Variants in NELFA observed in about 807,000 individuals in gnomAD.
The protein encoded by NELFA is negative elongation factor A.
NELFA carries 35 observed loss-of-function variants against 51.8 expected under a neutral mutation model. The ratio of observed to expected loss-of-function variants is 0.68; its 90% CI spans 0.52 to 0.90. The LOEUF is 0.90. NELFA is among the 40% of genes least tolerant of loss of function. The probability of loss-of-function intolerance (pLI) is 0.00; values close to 1 mark genes in which losing one functional copy is unlikely to be tolerated. For synonymous variants in NELFA, 417 were observed against 338.4 expected (o/e 1.23, Z -2.55); for missense variants, 658 against 746.4 (o/e 0.88, Z 1.38).
chr4:1,984,467 G>A (rs917086123), intron 8 of NELFA, among the ~76,000 whole-genome samples: 41 of 152,142 alleles, frequency 2.7e-4, no homozygotes, highest in African/African-American at 8.0e-4. Flanking sequence ...AGTGCCCTCC[G>A]TCTGGGAGGG....
In NELFA at chr4:1,983,412, T is replaced by C; in HGVS notation, c.1494A>G (p.Thr498=). The change falls in exon 11 of 11, where the codon ACA becomes ACG. Residue 498 remains threonine (T), a synonymous_variant. Coordinates refer to ENST00000382882, the MANE Select transcript of NELFA (RefSeq NM_005663.5). ...CAAACACTGTGTCCACCAGCATGGT[T>C]GTGCTACCCTGGCCGTCCGCCTTGG... ...DLPKADGQGS[T]TMLVDTVFEM... The C allele has an allele frequency of 6.2e-7, 1 of 1,614,218 alleles. No homozygotes were observed. The highest frequency in any genetic ancestry group is 1.6e-4 in the Middle Eastern group (1 of 6,062).
rs764871539 is a variant in NELFA at position 1,986,416 on chromosome 4, ACAGT to A, written c.635-18_635-15del. The A allele has an allele frequency of 4.3e-6, 7 of 1,612,718 alleles. No individual in the cohort carries two copies. The highest frequency in any genetic ancestry group is 5.9e-6 in the Non-Finnish European group (7 of 1,179,662). On this transcript the variant is annotated splice_polypyrimidine_tract_variant and intron_variant, in intron 4 of 10. Coordinates refer to ENST00000382882, the MANE Select transcript of NELFA (RefSeq NM_005663.5). ...CTTTGAGTGGGGCTGGAGGACGGCAACAGTCAGGGCGCCAGCAGCAGTGACCGGC... is the reference window on the plus strand; with the variant it reads ...CTTTGAGTGGGGCTGGAGGACGGCAACAGGGCGCCAGCAGCAGTGACCGGC...
At chr4:1,991,520 A>T (rs752812898) in intron 2 of NELFA, 24 bp downstream of exon 2, 9 of 1,609,200 alleles carry the variant, frequency 5.6e-6, no homozygotes, top group Non-Finnish European at 7.6e-6. Flanking sequence ...TCCACCCAAC[A>T]TGAATTAAAG....
chr4:2,001,655 C>T (rs1253864981), intron 1 of NELFA, among the ~76,000 whole-genome samples: 1 of 152,230 alleles, frequency 6.6e-6, no homozygotes, highest in Non-Finnish European at 1.5e-5. Flanking sequence ...GTAATCCCAG[C>T]ACTTTGGGAG....
rs1454518597 is a variant in NELFA at position 1,994,812 on chromosome 4, G to A, written c.211-3097C>T. Among the ~76,000 whole-genome samples the A allele has an allele frequency of 1.3e-4, 20 of 149,994 alleles. No homozygotes were observed. The South Asian group carries it at 1.7e-3, about 13-fold the overall frequency. On this transcript the variant is annotated intron_variant, in intron 1 of 10. Coordinates refer to ENST00000382882, the MANE Select transcript of NELFA (RefSeq NM_005663.5). Reference sequence around the variant, plus strand: ...GGAGCTTGCAGTGAGCCGAGATTGCGTGCCCCAGCCTGGGCAACAGAGTGA... The same window carrying A: ...GGAGCTTGCAGTGAGCCGAGATTGCATGCCCCAGCCTGGGCAACAGAGTGA...
chr4:2,004,514 G>T (rs968008610), intron 1 of NELFA, among the ~76,000 whole-genome samples: 10 of 151,910 alleles, frequency 6.6e-5, no homozygotes, highest in African/African-American at 2.2e-4. Flanking sequence ...TTGAGACAGG[G>T]TCTCATTCTG....
intron 1 of NELFA, chr4:2,008,072 C>G: frequency 4.4e-6 from 2 of 456,560 alleles, no homozygotes; most frequent in South Asian, 3.1e-5. Context: ...ACAAGAAAAT[C>G]CAGTCAGCGG....
Position 2,008,924 on chromosome 4 carries a change from C to T in NELFA, c.36G>A (p.Trp12Ter). ...CCGTGGCCCCCAGCTTGTTGTGCAG[C>T]CACAGGCCCGTGTCGCTCTCCCGCA... is the stretch of plus-strand genomic sequence containing the variant. ...ASMRESDTGL[W>*]LHNKLGATDE... The change falls in exon 1 of 11, where the codon TGG (tryptophan) becomes TGA (stop). Residue 12 changes from tryptophan to a stop codon, truncating the protein, a stop_gained. Coordinates refer to ENST00000382882, the MANE Select transcript of NELFA (RefSeq NM_005663.5). LOFTEE classifies it high-confidence loss of function. The T allele has an allele frequency of 6.4e-7, 1 of 1,574,184 alleles. No individual in the cohort carries two copies. Among genetic ancestry groups the T allele is most frequent in the Non-Finnish European group, 8.6e-7 (1 of 1,160,208 alleles).
intron 1 of NELFA, chr4:2,008,122 C>G (rs1728760036): frequency 2.3e-6 from 1 of 439,906 alleles, no homozygotes; most frequent in Admixed American, 2.5e-5. Flanking sequence ...CTTCCTCACG[C>G]GGGGGTTTCT....
At chr4:1,999,278 C>G (rs560281170) in intron 1 of NELFA, among the ~76,000 whole-genome samples, 1 of 150,936 alleles carries the variant, frequency 6.6e-6, no homozygotes, top group African/African-American at 2.4e-5. Flanking sequence ...ATTACAGGAC[C>G]GAATTCACAC....
intron 8 of NELFA, 139 bp downstream of exon 8, chr4:1,984,669 C>T: frequency 3.1e-6 from 2 of 640,946 alleles, no homozygotes; most frequent in Non-Finnish European, 5.4e-6. Context: ...GGGCATCTGC[C>T]CCCAGCAGAT....
chr4:1,987,037 G>A (rs1363914973), intron 4 of NELFA, among the ~76,000 whole-genome samples: 2 of 152,162 alleles, frequency 1.3e-5, no homozygotes, highest in East Asian at 3.9e-4. Flanking sequence ...GTAGAGGAGA[G>A]CAAGGTGGAA....
rs1393536205 is a variant in NELFA at position 1,983,341 on chromosome 4, T to C, written c.1565A>G (p.Lys522Arg). Reference sequence around the variant, plus strand: ...GTTCTAGGACACATTGGTCATGGGCTTGTACTTCTTGAAGCGCGTCCACTG... The same window carrying C: ...GTTCTAGGACACATTGGTCATGGGCCTGTACTTCTTGAAGCGCGTCCACTG... The part of the protein sequence containing the change: ...TGQWTRFKKY[K>R]PMTNVS The change falls in exon 11 of 11, where the codon AAG (lysine) becomes AGG (arginine). Residue 522 changes from lysine to arginine, a missense_variant. Physicochemically the swap from Lys to Arg is conservative, Grantham distance 26. This residue lies in a region of NELFA where 87 missense variants were observed against 130.2 expected (regional missense o/e 0.67). Transcript: ENST00000382882. 1 of 1,614,062 alleles carries C rather than the reference T, an allele frequency of 6.2e-7. No individual in the cohort carries two copies. The highest frequency in any genetic ancestry group is 8.5e-7 in the Non-Finnish European group (1 of 1,180,030).
At chr4:1,986,583 G>T in intron 4 of NELFA, 181 bp from the exon 5 acceptor site, 1 of 903,272 alleles carries the variant, frequency 1.1e-6, no homozygotes. Context: ...AACGCCTGGA[G>T]CCACGACCTC....
In NELFA at chr4:1,983,980, C is replaced by T. The variant is rs753027916; in HGVS notation, c.1170G>A (p.Ala390=). ...GLSPATPTPA[A]PTSPLTPTTP... is the part of the protein sequence containing the mutation. ...TGGTGGGTGTCAGAGGCGAGGTGGGCGCCGCAGGCGTGGGTGTGGCAGGGC... is the reference window on the plus strand; with the variant it reads ...TGGTGGGTGTCAGAGGCGAGGTGGGTGCCGCAGGCGTGGGTGTGGCAGGGC... Residue 390 remains alanine, a synonymous_variant, in exon 9 of 11, where the codon GCG becomes GCA. Transcript: ENST00000382882. 5.0e-5 allele frequency: 80 copies of T among 1,609,966 alleles called. 1 individual carries two copies. Among genetic ancestry groups the T allele is most frequent in the Middle Eastern group, 3.3e-4 (2 of 5,990 alleles).
At chr4:1,995,432 CA>C (rs1462238143) in intron 1 of NELFA, among the ~76,000 whole-genome samples, 1 of 152,120 alleles carries the variant, frequency 6.6e-6, no homozygotes, top group African/African-American at 2.4e-5. Flanking sequence ...CCTAAGATAC[CA>C]GACCCCTAAA....
rs1206982803 is a variant in NELFA at position 1,990,483 on chromosome 4, C to T, written c.383-614G>A. On this transcript the variant is annotated intron_variant, in intron 2 of 10. Transcript: ENST00000382882. The stretch of plus-strand genomic sequence containing the variant: ...CCTCAGCCTTCCTGCCCGCGGGACA[C>T]TCCTGAGACACGAACGGGTGGGGTG... The T allele has an allele frequency of 3.7e-5, 17 of 456,608 alleles. No homozygotes were observed. The Admixed American group carries it at 4.0e-4, about 11-fold the overall frequency. 28.3% of individuals were successfully genotyped at this position (456,608 alleles called of 1,614,324 possible).
intron 7 of NELFA, 108 bp from the exon 8 acceptor site, chr4:1,985,027 C>T: frequency 1.3e-6 from 1 of 790,068 alleles, no homozygotes; most frequent in Non-Finnish European, 2.0e-6. Flanking sequence ...GCCCCCCGAG[C>T]TAGAGCAGGA....
intron 6 of NELFA, 37 bp from the exon 7 acceptor site, chr4:1,985,901 C>T (rs372482791): frequency 7.7e-6 from 12 of 1,554,904 alleles, no homozygotes; most frequent in East Asian, 2.3e-5. Context: ...AGTGCCCGGG[C>T]GCGTCTGCAG....
Sources: gnomAD v4.1 joint callset for allele counts (sites outside exome capture counted in the v4.1 genomes callset) on GRCh38, gnomAD v4.1.1 for gene constraint, gnomAD v4.1.1 regional missense constraint, MANE v1.5 for transcripts, NCBI Gene and HGNC (gene_info 2026-07-23, HGNC 2026-07-21) for gene names.